Variants in PARD3 observed in about 807,000 individuals in gnomAD.
The protein encoded by PARD3 is partitioning defective 3 homolog.
PARD3 carries 75 observed loss-of-function variants against 155.4 expected under a neutral mutation model. The observed-to-expected ratio is 0.48, with a 90% CI of 0.40 to 0.58. PARD3 has a LOEUF of 0.58. Among genes scored for constraint, PARD3 ranks in the 20% least tolerant of loss-of-function variants. The pLI is 0.00. For synonymous variants in PARD3, 576 were observed against 610.5 expected (o/e 0.94, Z 0.83); for missense variants, 1,642 against 1,721.7 (o/e 0.95, Z 0.82).
intron 2 of PARD3, among the ~76,000 whole-genome samples, chr10:34,630,048 C>T (rs1389854638): frequency 1.3e-5 from 2 of 152,148 alleles, no homozygotes; most frequent in Admixed American, 1.3e-4. Context: ...CCTACACAGG[C>T]TGCCTAAACT....
chr10:34,343,690 T>C (rs1564608508), intron 15 of PARD3: 1 of 984,466 alleles, frequency 1.0e-6, no homozygotes, highest in South Asian at 4.7e-5. Flanking sequence ...AATACAATGA[T>C]CCCTTAATTA....
intron 11 of PARD3, among the ~76,000 whole-genome samples, chr10:34,373,797 C>G (rs1205356645): frequency 6.6e-6 from 1 of 151,680 alleles, no homozygotes; most frequent in Non-Finnish European, 1.5e-5. Flanking sequence ...CTGTGTGTAA[C>G]CAGGGGATAA....
At position 34,359,158 on chromosome 10, in the gene PARD3, T is replaced by G. The variant is rs1386944210; in HGVS notation, c.2056A>C (p.Lys686Gln). ...IQLIVARRISKCNELKSPGSP... is the reference protein window; with the variant it reads ...IQLIVARRISQCNELKSPGSP... ...TTTGCATTTCTTACCTCATTGCACT[T>G]GCTTATTCTCCTTGCAACAATAAGC... The change falls in exon 14 of 25, where the codon AAG becomes CAG. Residue 686 changes from lysine to glutamine, a missense_variant. By Grantham distance (53) the Lys-to-Gln change is moderately conservative (BLOSUM62 1). This residue lies in a region of PARD3 where 1,529 missense variants were observed against 1,587.3 expected (regional missense o/e 0.96). Transcript: ENST00000374788. 4 of 1,613,096 alleles carry G rather than the reference T, an allele frequency of 2.5e-6. No individual in the cohort carries two copies. The South Asian group carries it at 3.3e-5, about 13-fold the overall frequency.
chr10:34,619,014 C>CT (rs560580026), intron 2 of PARD3, among the ~76,000 whole-genome samples: 159 of 151,576 alleles, frequency 1.0e-3, no homozygotes, highest in Admixed American at 2.6e-3. Context: ...ACTGGATGCT[C>CT]TAGAGTTCAC....
chr10:34,473,216 A>G (rs1331159588), intron 3 of PARD3, among the ~76,000 whole-genome samples: 1 of 152,192 alleles, frequency 6.6e-6, no homozygotes. Context: ...CATTTCAGCA[A>G]TATTTATAAA....
intron 1 of PARD3, among the ~76,000 whole-genome samples, chr10:34,773,922 T>C (rs772014090): frequency 3.9e-5 from 6 of 152,200 alleles, no homozygotes; most frequent in Non-Finnish European, 8.8e-5. Flanking sequence ...GTTGGATAAA[T>C]GTTCAGAAGT....
At chr10:34,388,160 G>A (rs1032982541) in intron 7 of PARD3, among the ~76,000 whole-genome samples, 1 of 152,134 alleles carries the variant, frequency 6.6e-6, no homozygotes, top group African/African-American at 2.4e-5. Flanking sequence ...CAAGAGATGA[G>A]GGAATCAAGG....
At chr10:34,533,986 A>T (rs542985600) in intron 2 of PARD3, among the ~76,000 whole-genome samples, 2 of 152,142 alleles carry the variant, frequency 1.3e-5, no homozygotes, top group Admixed American at 6.6e-5. Context: ...AAGAGATAAT[A>T]AACACCCCCA....
intron 1 of PARD3, among the ~76,000 whole-genome samples, chr10:34,746,010 G>A (rs919737569): frequency 6.6e-6 from 1 of 152,114 alleles, no homozygotes; most frequent in Non-Finnish European, 1.5e-5. Context: ...GCTGAGGCAG[G>A]AGAATGGCGT....
intron 3 of PARD3, among the ~76,000 whole-genome samples, chr10:34,490,683 GACTA>G (rs539886994): frequency 1.3e-5 from 2 of 152,140 alleles, no homozygotes; most frequent in Non-Finnish European, 2.9e-5. Context: ...ACTCAGTACA[GACTA>G]ACTCTTTCTT....
At chr10:34,532,259 C>A (rs932352444) in intron 2 of PARD3, among the ~76,000 whole-genome samples, 1 of 151,922 alleles carries the variant, frequency 6.6e-6, no homozygotes, top group African/African-American at 2.4e-5. Context: ...TTTTCCTTAT[C>A]TCGCTACATA....
intron 5 of PARD3, among the ~76,000 whole-genome samples, chr10:34,426,253 A>G (rs1228307909): frequency 6.6e-6 from 1 of 152,206 alleles, no homozygotes; most frequent in Non-Finnish European, 1.5e-5. Context: ...TGCTTTACCT[A>G]CAAGATCATG....
chr10:34,755,237 A>G (rs1836560477), intron 1 of PARD3, among the ~76,000 whole-genome samples: 1 of 150,772 alleles, frequency 6.6e-6, no homozygotes, highest in South Asian at 2.1e-4. Context: ...CCCCGTCTCT[A>G]CTAAAAATTA....
At chr10:34,355,203 C>G (rs1268612090) in intron 14 of PARD3, among the ~76,000 whole-genome samples, 1 of 152,154 alleles carries the variant, frequency 6.6e-6, no homozygotes, top group Non-Finnish European at 1.5e-5. Context: ...GTGGTGCATG[C>G]CTGTGGTCCC....
chr10:34,404,549 T>G lies in PARD3; in HGVS notation c.715-2632A>C, dbSNP rs192948947. Among the ~76,000 whole-genome samples the G allele has an allele frequency of 1.7e-3, 251 of 152,076 alleles. 2 individuals carry two copies. Among genetic ancestry groups the G allele is most frequent in the Middle Eastern group, 0.014 (4 of 294 alleles). ...AAAATAGAACTATATAGTATCAATT[T>G]AAACTAAACTGTGCCAAAGAACTTT... is the stretch of plus-strand genomic sequence containing the variant. On this transcript the variant is annotated intron_variant, in intron 5 of 24. Transcript: ENST00000374788.
intron 22 of PARD3, among the ~76,000 whole-genome samples, chr10:34,249,530 A>G (rs529128359): frequency 1.4e-4 from 22 of 152,354 alleles, no homozygotes; most frequent in African/African-American, 5.3e-4. Context: ...CATTGCCAGC[A>G]TCAGCCAGTC....
chr10:34,628,535 G>A (rs1011853568), intron 2 of PARD3, among the ~76,000 whole-genome samples: 3 of 152,218 alleles, frequency 2.0e-5, no homozygotes, highest in South Asian at 2.1e-4. Context: ...AGCTGCAGTC[G>A]GTACAGAAAC....
intron 2 of PARD3, among the ~76,000 whole-genome samples, chr10:34,600,902 C>T (rs1432130199): frequency 2.0e-5 from 3 of 151,866 alleles, no homozygotes; most frequent in Admixed American, 2.0e-4. Context: ...TAATTCCCAC[C>T]TCAGCCTCCC....
At chr10:34,269,635 C>A (rs1003908369) in intron 22 of PARD3, 22 bp downstream of exon 22, 16 of 1,608,980 alleles carry the variant, frequency 9.9e-6, no homozygotes, top group Non-Finnish European at 1.3e-5. Flanking sequence ...GAAGCAATAC[C>A]ACGATTGCCC....
Sources: allele counts gnomAD v4.1 joint callset (sites outside exome capture counted in the v4.1 genomes callset), GRCh38; gene constraint gnomAD v4.1.1; regional missense constraint gnomAD v4.1.1; transcripts MANE v1.5; gene names NCBI Gene and HGNC (gene_info 2026-07-23, HGNC 2026-07-21).